The following DENR variants were observed in gnomAD, a reference collection of about 807,000 sequenced individuals.
The protein encoded by DENR is density-regulated protein.
A neutral mutation model predicts 30.6 loss-of-function variants in DENR; 6 were observed. That is an observed-to-expected ratio of 0.20 (90% CI 0.11 to 0.39). The LOEUF (loss-of-function observed/expected upper bound fraction) is 0.39. Among genes scored for constraint, DENR ranks in the 10% least tolerant of loss-of-function variants. The pLI is 1.00. For missense variants in DENR, 141 were observed against 230.9 expected (o/e 0.61, Z 2.52); for synonymous variants, 78 against 72.1 (o/e 1.08, Z -0.41).
rs1353118869 is a variant in DENR, at chr12:122,769,955, C to T, written c.*877C>T. On this transcript the variant is annotated 3_prime_UTR_variant, in exon 8 of 8. Coordinates refer to ENST00000280557, the MANE Select transcript of DENR (RefSeq NM_003677.5). ...TGGCTTCCTCACCAGTAATATGTCT[C>T]CTTGCTTCTTTGATGTGATAGTTTT... 1 of 152,542 alleles carries T rather than the reference C, an allele frequency of 6.6e-6. No homozygotes were observed. The highest frequency in any genetic ancestry group is 1.5e-5 in the Non-Finnish European group (1 of 68,032). 9.4% of individuals were successfully genotyped at this position (152,542 alleles called of 1,614,324 possible). A position where few individuals can be genotyped will look rare whatever the true frequency, so the allele number is the denominator to read the frequency against.
intron 2 of DENR, among the ~76,000 whole-genome samples, chr12:122,760,921 C>T (rs534408108): frequency 5.3e-5 from 8 of 152,224 alleles, no homozygotes; most frequent in African/African-American, 1.9e-4. Context: ...ATGAAAAAGC[C>T]TTGGCAACAT....
chr12:122,761,440 A>T (rs553205509), intron 2 of DENR, among the ~76,000 whole-genome samples: 4 of 152,160 alleles, frequency 2.6e-5, no homozygotes, highest in South Asian at 2.1e-4. Context: ...AATATATTGC[A>T]AAAAGATGGT....
In DENR at chr12:122,770,948, T is replaced by C. The variant is rs1197925815; in HGVS notation, c.*1870T>C. 2.6e-6 allele frequency: 1 copy of C among 387,450 alleles called. No individual in the cohort carries two copies. Among genetic ancestry groups the C allele is most frequent in the Non-Finnish European group, 4.6e-6 (1 of 219,748 alleles). 24.0% of individuals were successfully genotyped at this position (387,450 alleles called of 1,614,324 possible). A position where few individuals can be genotyped will look rare whatever the true frequency, so the allele number is the denominator to read the frequency against. On this transcript the variant is annotated 3_prime_UTR_variant, in exon 8 of 8. Transcript: ENST00000280557. ...CTGTGTGCCTGTATCAACATGTGAC[T>C]TCATGTAAAGTTTCTTTGTGTTCAC... is the stretch of plus-strand genomic sequence containing the variant.
At chr12:122,768,672 A>T (rs1593765108) in intron 6 of DENR, 110 bp from the exon 7 acceptor site, 2 of 1,004,198 alleles carry the variant, frequency 2.0e-6, no homozygotes, top group East Asian at 5.3e-5. Context: ...TATAAAACCC[A>T]TTAACAATCT....
chr12:122,768,696 A>T, intron 6 of DENR, 86 bp from the exon 7 acceptor site: 1 of 1,216,864 alleles, frequency 8.2e-7, no homozygotes, highest in Non-Finnish European at 1.1e-6. Flanking sequence ...TTATGATTTT[A>T]AAATGCAGAT....
At chr12:122,760,520 A>AGGAGATC (rs1878669079) in intron 2 of DENR, among the ~76,000 whole-genome samples, 1 of 151,536 alleles carries the variant, frequency 6.6e-6, no homozygotes, top group South Asian at 2.1e-4. Flanking sequence ...TCACAAGGTC[A>AGGAGATC]GGAGATCGAG....
intron 5 of DENR, 45 bp from the exon 6 acceptor site, chr12:122,767,443 T>TA (rs1566061012): frequency 8.1e-7 from 1 of 1,236,802 alleles, no homozygotes; most frequent in Admixed American, 2.8e-5. Context: ...AGTATTCTCT[T>TA]ATGTCAAAAA....
intron 2 of DENR, among the ~76,000 whole-genome samples, chr12:122,758,999 C>G (rs1878625867): frequency 6.6e-6 from 1 of 151,918 alleles, no homozygotes; most frequent in African/African-American, 2.4e-5. Context: ...TGTGCGCCAC[C>G]ACACCCGGCT....
chr12:122,758,314 C>T (rs545863590), intron 2 of DENR, among the ~76,000 whole-genome samples: 76 of 152,306 alleles, frequency 5.0e-4, no homozygotes, highest in African/African-American at 1.8e-3. Context: ...TTGTGATCCA[C>T]CCGCCTCGGC....
chr12:122,755,587 AAAAC>A (rs1359846503), intron 2 of DENR, among the ~76,000 whole-genome samples: 3 of 148,640 alleles, frequency 2.0e-5, no homozygotes, highest in African/African-American at 5.3e-5. Context: ...TCAAAAATAA[AAAAC>A]AAAACTAAGG....
intron 3 of DENR, 63 bp from the exon 4 acceptor site, chr12:122,762,782 A>T: frequency 8.8e-7 from 1 of 1,132,206 alleles, no homozygotes; most frequent in Non-Finnish European, 1.3e-6. Flanking sequence ...GTGATTTTTA[A>T]TTACGACATA....
In DENR at chr12:122,769,178, G is replaced by A. The variant is rs12319049; in HGVS notation, c.*100G>A. The A allele has an allele frequency of 1.9e-6, 2 of 1,079,696 alleles. No individual in the cohort carries two copies. Among genetic ancestry groups the A allele is most frequent in the Non-Finnish European group, 2.4e-6 (2 of 821,512 alleles). 66.9% of individuals were successfully genotyped at this position (1,079,696 alleles called of 1,614,324 possible). A position where few individuals can be genotyped will look rare whatever the true frequency, so the allele number is the denominator to read the frequency against. On this transcript the variant is annotated 3_prime_UTR_variant, in exon 8 of 8. Transcript: ENST00000280557. Reference sequence around the variant, plus strand: ...TATATATATATATACACATATATATGTATATATACACATATATGTATGTAT... The same window carrying A: ...TATATATATATATACACATATATATATATATATACACATATATGTATGTAT...
chr12:122,753,034 G>T (rs372419608), intron 1 of DENR, 84 bp downstream of exon 1: 3 of 153,076 alleles, frequency 2.0e-5, no homozygotes, highest in African/African-American at 7.2e-5. Flanking sequence ...GCGGAAGGGG[G>T]CCGGGCCGGG....
At chr12:122,756,813 G>C (rs1384145076) in intron 2 of DENR, among the ~76,000 whole-genome samples, 1 of 152,184 alleles carries the variant, frequency 6.6e-6, no homozygotes, top group African/African-American at 2.4e-5. Flanking sequence ...GAAAGTTTTG[G>C]AGCAGTGAAG....
chr12:122,755,015 A>G (rs183750185), intron 2 of DENR, among the ~76,000 whole-genome samples: 2 of 152,370 alleles, frequency 1.3e-5, no homozygotes, highest in African/African-American at 4.8e-5. Flanking sequence ...ATTTGGAGAT[A>G]GATAATAGGC....
rs930110023 is a variant in DENR at position 122,764,665 on chromosome 12, C to T, written c.212-639C>T. Among the ~76,000 whole-genome samples, 4 of 152,164 alleles carry T rather than the reference C, an allele frequency of 2.6e-5. No homozygotes were observed. In the South Asian group the frequency reaches 8.3e-4, roughly 32 times the overall value. On this transcript the variant is annotated intron_variant, in intron 4 of 7. Coordinates refer to ENST00000280557, the MANE Select transcript of DENR (RefSeq NM_003677.5). ...TGGAGGAACAGAATTCCTCAGTTTT[C>T]TCATATTGATGGCTTCTCTTGCAAG...
At chr12:122,766,071 C>G (rs1288437569) in intron 5 of DENR, among the ~76,000 whole-genome samples, 1 of 151,916 alleles carries the variant, frequency 6.6e-6, no homozygotes, top group African/African-American at 2.4e-5. Flanking sequence ...AAAACTCTCC[C>G]CAAAGCTCAT....
rs1468565806 is a variant in DENR at position 122,767,581 on chromosome 12, G to C, written c.389G>C (p.Arg130Thr). Residue 130 changes from arginine to threonine, a missense_variant, in exon 6 of 8, where the codon AGA becomes ACA. Physicochemically the swap from Arg to Thr is moderately conservative, Grantham distance 71. Transcript: ENST00000280557. ...IPRAKKKYVTRVCGLATFEID... is the reference protein window; with the variant it reads ...IPRAKKKYVTTVCGLATFEID... ...AGAGCAAAGAAGAAATATGTGACAAGAGTATGTGGCCTTGCAACTTTTGGT... is the reference window on the plus strand; with the variant it reads ...AGAGCAAAGAAGAAATATGTGACAACAGTATGTGGCCTTGCAACTTTTGGT... 2 of 1,601,238 alleles carry C rather than the reference G, an allele frequency of 1.2e-6. No individual in the cohort carries two copies. Among genetic ancestry groups the C allele is most frequent in the East Asian group, 2.2e-5 (1 of 44,604 alleles).
chr12:122,767,357 A>G, intron 5 of DENR, 131 bp from the exon 6 acceptor site: 2 of 605,686 alleles, frequency 3.3e-6, no homozygotes, highest in Non-Finnish European at 5.6e-6. Flanking sequence ...TTGAATGAAT[A>G]CTTGGATGTG....
Sources: allele counts gnomAD v4.1 joint callset (sites outside exome capture counted in the v4.1 genomes callset), GRCh38; gene constraint gnomAD v4.1.1; transcripts MANE v1.5; gene names NCBI Gene and HGNC (gene_info 2026-07-23, HGNC 2026-07-21).